The following CATSPERE variants were observed in gnomAD, a reference collection of about 807,000 sequenced individuals.
The protein encoded by CATSPERE is cation channel sperm-associated auxiliary subunit epsilon.
Under a neutral mutation model 114.1 loss-of-function variants are expected in CATSPERE, and 93 were observed. The ratio of observed to expected loss-of-function variants is 0.81; its 90% CI spans 0.69 to 0.97. The LOEUF (loss-of-function observed/expected upper bound fraction) is 0.97. CATSPERE is among the 50% of genes least tolerant of loss of function. The pLI, the probability that CATSPERE is intolerant of heterozygous loss-of-function variation, is 0.00. For missense variants in CATSPERE, 1,058 were observed against 1,131.6 expected (o/e 0.93, Z 0.93); for synonymous variants, 341 against 384.1 (o/e 0.89, Z 1.31).
At chr1:244,601,519 T>G (rs1443941403) in intron 17 of CATSPERE, among the ~76,000 whole-genome samples, 1 of 152,132 alleles carries the variant, frequency 6.6e-6, no homozygotes, top group African/African-American at 2.4e-5. Flanking sequence ...ATAAGACAGA[T>G]TACCTACAAT....
intron 20 of CATSPERE, among the ~76,000 whole-genome samples, chr1:244,628,096 G>A (rs2148738064): frequency 6.6e-6 from 1 of 152,348 alleles, no homozygotes; most frequent in East Asian, 1.9e-4. Flanking sequence ...TGCAAAAGTA[G>A]TGATGCTGTC....
chr1:244,495,046 C>T (rs1174854609), intron 6 of CATSPERE, among the ~76,000 whole-genome samples: 1 of 152,188 alleles, frequency 6.6e-6, no homozygotes, highest in Admixed American at 6.5e-5. Context: ...TAACCTCCTT[C>T]TCACTCAAAA....
At chr1:244,624,587 G>A (rs1021402054) in intron 20 of CATSPERE, among the ~76,000 whole-genome samples, 3 of 151,918 alleles carry the variant, frequency 2.0e-5, no homozygotes, top group African/African-American at 4.8e-5. Context: ...GATCACTTGC[G>A]GTCAGGAGCT....
chr1:244,590,950 T>C (rs1331437223), intron 14 of CATSPERE, among the ~76,000 whole-genome samples: 1 of 152,244 alleles, frequency 6.6e-6, no homozygotes. Context: ...TGTGGGTATC[T>C]ACCTAGGAGT....
chr1:244,483,120 A>G (rs995042452), intron 5 of CATSPERE, among the ~76,000 whole-genome samples: 1 of 152,216 alleles, frequency 6.6e-6, no homozygotes, highest in African/African-American at 2.4e-5. Flanking sequence ...ATGATCCTGA[A>G]TATACCTCAT....
chr1:244,603,928 G>A (rs977558155), intron 17 of CATSPERE, among the ~76,000 whole-genome samples: 5 of 152,104 alleles, frequency 3.3e-5, no homozygotes, highest in African/African-American at 9.7e-5. Context: ...AAGAATTAGG[G>A]GTTATAGTGA....
At chr1:244,574,644 A>G (rs1170693246) in intron 11 of CATSPERE, among the ~76,000 whole-genome samples, 1 of 152,196 alleles carries the variant, frequency 6.6e-6, no homozygotes, top group Admixed American at 6.5e-5. Flanking sequence ...CAGTTGAACT[A>G]GAGCACAAAT....
chr1:244,553,513 G>T (rs1295014769), intron 9 of CATSPERE, among the ~76,000 whole-genome samples: 1 of 148,904 alleles, frequency 6.7e-6, no homozygotes, highest in South Asian at 2.1e-4. Flanking sequence ...CCCGGGAGGC[G>T]GAGCTTGCAG....
chr1:244,464,781 G>A (rs1667334978), intron 2 of CATSPERE, among the ~76,000 whole-genome samples: 1 of 151,796 alleles, frequency 6.6e-6, no homozygotes, highest in Non-Finnish European at 1.5e-5. Flanking sequence ...CGCATATTAT[G>A]TAGGCTTCTC....
intron 9 of CATSPERE, among the ~76,000 whole-genome samples, chr1:244,553,430 GTGGGT>G (rs1208891005): frequency 1.3e-5 from 2 of 151,332 alleles, no homozygotes; most frequent in Non-Finnish European, 2.9e-5. Context: ...GTGCCTGTAG[GTGGGT>G]GCCTACAGTG....
intron 7 of CATSPERE, among the ~76,000 whole-genome samples, chr1:244,509,086 G>T (rs1230212369): frequency 6.6e-5 from 10 of 151,688 alleles, no homozygotes; most frequent in African/African-American, 2.4e-4. Flanking sequence ...GCTCGGCTAG[G>T]ACTTCCAATA....
intron 1 of CATSPERE, among the ~76,000 whole-genome samples, chr1:244,456,086 G>A (rs545354531): frequency 4.8e-5 from 3 of 62,466 alleles, no homozygotes; most frequent in Non-Finnish European, 7.0e-5. Context: ...ACACCCCCCC[G>A]CCCCCCAACA....
At chr1:244,535,269 A>G (rs966027617) in intron 8 of CATSPERE, among the ~76,000 whole-genome samples, 1 of 151,980 alleles carries the variant, frequency 6.6e-6, no homozygotes, top group African/African-American at 2.4e-5. Flanking sequence ...GCTACCACCT[A>G]TGTTCACTCA....
intron 18 of CATSPERE, among the ~76,000 whole-genome samples, chr1:244,609,390 G>A (rs958514336): frequency 5.4e-5 from 8 of 149,234 alleles, no homozygotes; most frequent in African/African-American, 1.5e-4. Flanking sequence ...TCACTCTGTC[G>A]CCCGGTCTGG....
intron 2 of CATSPERE, among the ~76,000 whole-genome samples, chr1:244,473,668 A>C (rs879605815): frequency 6.6e-6 from 1 of 152,104 alleles, no homozygotes; most frequent in Non-Finnish European, 1.5e-5. Context: ...GTATCTAAGA[A>C]GTTGTTGGCA....
intron 11 of CATSPERE, among the ~76,000 whole-genome samples, chr1:244,580,532 A>T (rs1666012348): frequency 6.6e-6 from 1 of 152,150 alleles, no homozygotes. Context: ...ATAGAAAAGT[A>T]AATAAAACAT....
intron 7 of CATSPERE, among the ~76,000 whole-genome samples, chr1:244,500,937 G>A (rs1673944377): frequency 6.6e-6 from 1 of 152,214 alleles, no homozygotes. Flanking sequence ...ACTGCTGGCA[G>A]TATGGCCATT....
chr1:244,582,262 T>C (rs1301526283), intron 12 of CATSPERE, among the ~76,000 whole-genome samples: 2 of 152,158 alleles, frequency 1.3e-5, no homozygotes, highest in Non-Finnish European at 2.9e-5. Context: ...TGCAGTAAGG[T>C]AGCAGCTAGG....
In CATSPERE at chr1:244,593,593, A is replaced by C. The variant is rs776232145; in HGVS notation, c.2303+15A>C. 1 of 1,596,164 alleles carries C rather than the reference A, an allele frequency of 6.3e-7. No individual in the cohort carries two copies. Among genetic ancestry groups the C allele is most frequent in the Non-Finnish European group, 8.6e-7 (1 of 1,167,942 alleles). On this transcript the variant is annotated intron_variant, in intron 17 of 21. Transcript: ENST00000366534. ...GTGGTTCAACTGTAAGTATATTCTC[A>C]TCAACATTTTAACTTATATTGAAAG...
Sources: gnomAD v4.1 joint callset for allele counts (sites outside exome capture counted in the v4.1 genomes callset) on GRCh38, gnomAD v4.1.1 for gene constraint, MANE v1.5 for transcripts, NCBI Gene and HGNC (gene_info 2026-07-23, HGNC 2026-07-21) for gene names.